Variants in TRPM6 observed in about 807,000 individuals in gnomAD.
The protein encoded by TRPM6 is transient receptor potential cation channel subfamily M member 6.
TRPM6 carries 111 observed loss-of-function variants against 247.6 expected under a neutral mutation model. The ratio of observed to expected loss-of-function variants is 0.45; its 90% CI spans 0.38 to 0.52. TRPM6 has a LOEUF of 0.52. Ranked by LOEUF, TRPM6 falls within the 20% of genes least tolerant of loss-of-function variation. The probability of loss-of-function intolerance (pLI) is 0.00; values close to 1 mark genes in which losing one functional copy is unlikely to be tolerated. For missense variants in TRPM6, 2,126 were observed against 2,421.5 expected (o/e 0.88, Z 2.56); for synonymous variants, 892 against 853.8 (o/e 1.04, Z -0.78).
At position 74,803,795 on chromosome 9, in the gene TRPM6, T is replaced by G; in HGVS notation, c.1730A>C (p.Lys577Thr). 11 of 1,605,448 alleles carry G rather than the reference T, an allele frequency of 6.9e-6. No homozygotes were observed. Among genetic ancestry groups the G allele is most frequent in the Non-Finnish European group, 9.4e-6 (11 of 1,172,096 alleles). Residue 577 changes from lysine (K) to threonine (T), a missense_variant and splice_region_variant, in exon 15 of 39, where the codon AAG becomes ACG. Transcript: ENST00000360774. ...AGTTGAAAAACAAGTAAATGGTACC[T>G]TGAATTTGTATGGCTGTGCAGTTCT... is the stretch of plus-strand genomic sequence containing the variant. ...FIRTAQPYKF[K>T]EKSIVLHKSR...
chr9:74,729,036 A>G (rs1293902110), intron 37 of TRPM6, among the ~76,000 whole-genome samples: 1 of 152,214 alleles, frequency 6.6e-6, no homozygotes, highest in Non-Finnish European at 1.5e-5. Flanking sequence ...ATCATAACAA[A>G]TCCCTAGCAG....
At chr9:74,840,316 G>C in intron 4 of TRPM6, 79 bp from the exon 5 acceptor site, 1 of 1,061,492 alleles carries the variant, frequency 9.4e-7, no homozygotes, top group Non-Finnish European at 1.4e-6. Flanking sequence ...GCACACAGCA[G>C]GGCAACTGAA....
intron 16 of TRPM6, 85 bp downstream of exon 16, chr9:74,801,813 C>T: frequency 2.0e-6 from 3 of 1,537,260 alleles, no homozygotes; most frequent in South Asian, 2.2e-5. Flanking sequence ...ATTTGTCCTA[C>T]AAGTTTAAAG....
At chr9:74,786,992 A>G (rs897224983) in intron 20 of TRPM6, among the ~76,000 whole-genome samples, 2 of 152,182 alleles carry the variant, frequency 1.3e-5, no homozygotes, top group African/African-American at 4.8e-5. Context: ...TGAGGTCAGG[A>G]GTTCGAGACC....
At chr9:74,839,963 G>T in intron 5 of TRPM6, 61 bp downstream of exon 5, 1 of 1,254,880 alleles carries the variant, frequency 8.0e-7, no homozygotes, top group Non-Finnish European at 1.2e-6. Context: ...AAGAGGGAGA[G>T]AGGGAGGGAG....
Position 74,724,558 on chromosome 9 carries a change from TCA to T in TRPM6, c.*53_*54del. Reference sequence around the variant, plus strand: ...ACATCACGTTGATCAATCTATGTTATCACAGAGTTCCTGGCAGGCAGGGCAAG... The same window carrying T: ...ACATCACGTTGATCAATCTATGTTATCAGAGTTCCTGGCAGGCAGGGCAAG... On this transcript the variant is annotated 3_prime_UTR_variant, in exon 39 of 39. Transcript: ENST00000360774. The T allele has an allele frequency of 2.5e-6, 4 of 1,613,134 alleles. No homozygotes were observed. Among genetic ancestry groups the T allele is most frequent in the Non-Finnish European group, 3.4e-6 (4 of 1,179,548 alleles).
At chr9:74,773,931 T>A (rs1429453755) in intron 24 of TRPM6, among the ~76,000 whole-genome samples, 1 of 152,178 alleles carries the variant, frequency 6.6e-6, no homozygotes, top group East Asian at 1.9e-4. Context: ...AATGTCTTCT[T>A]TCACTAAAGA....
At chr9:74,849,061 T>C (rs1830200310) in intron 3 of TRPM6, among the ~76,000 whole-genome samples, 1 of 152,146 alleles carries the variant, frequency 6.6e-6, no homozygotes, top group Admixed American at 6.5e-5. Context: ...AAAGTTTAGT[T>C]AAATTCAGCA....
intron 7 of TRPM6, among the ~76,000 whole-genome samples, chr9:74,823,235 C>T (rs919710462): frequency 6.6e-6 from 1 of 152,166 alleles, no homozygotes. Flanking sequence ...GAGACATCTA[C>T]AGGGTCAAGG....
chr9:74,821,674 A>G lies in TRPM6; in HGVS notation c.1005T>C (p.Asp335=), dbSNP rs926497151. ...AAGAAGAGCCAACAACTCACCCTTC[A>G]TCTGCCAGGTGTTTGTGTGTGAAGG... is the stretch of plus-strand genomic sequence containing the variant. The part of the protein sequence containing the change: ...LLAFTHKHLA[D]EGMLRPQVKE... Residue 335 remains aspartate (D), a synonymous_variant, in exon 8 of 39, where the codon GAT becomes GAC. Coordinates refer to ENST00000360774, the MANE Select transcript of TRPM6 (RefSeq NM_017662.5). 1.9e-6 allele frequency: 3 copies of G among 1,614,080 alleles called. No homozygotes were observed. The highest frequency in any genetic ancestry group is 2.5e-6 in the Non-Finnish European group (3 of 1,180,052).
At position 74,724,758 on chromosome 9, in the gene TRPM6, A is replaced by T; in HGVS notation, c.5936-12T>A. On this transcript the variant is annotated splice_polypyrimidine_tract_variant and intron_variant, in intron 38 of 38. Transcript: ENST00000360774. Reference sequence around the variant, plus strand: ...ATTTCTTTTTAAATCTGCAAGGAGGACAAGTAAAAAGGTTATAGTGGAACC... The same window carrying T: ...ATTTCTTTTTAAATCTGCAAGGAGGTCAAGTAAAAAGGTTATAGTGGAACC... The T allele has an allele frequency of 6.2e-7, 1 of 1,614,078 alleles. No homozygotes were observed. Among genetic ancestry groups the T allele is most frequent in the Non-Finnish European group, 8.5e-7 (1 of 1,179,996 alleles).
chr9:74,764,230 T>G (rs1389291830), intron 25 of TRPM6, among the ~76,000 whole-genome samples: 1 of 152,036 alleles, frequency 6.6e-6, no homozygotes, highest in Admixed American at 6.6e-5. Context: ...TGGTTTTGTA[T>G]CCCCCAAAAA....
chr9:74,858,690 G>C lies in TRPM6; in HGVS notation c.92C>G (p.Pro31Arg). The C allele has an allele frequency of 1.2e-6, 2 of 1,613,132 alleles. No homozygotes were observed. The highest frequency in any genetic ancestry group is 1.7e-6 in the Non-Finnish European group (2 of 1,179,548). Residue 31 changes from proline to arginine, a missense_variant, in exon 2 of 39, where the codon CCC becomes CGC. Transcript: ENST00000360774. ...FDKRECSTII[P>R]SSKNPHRCTP... ...TTACCTGTGAGGATTTTTTGAGCTG[G>C]GTATGATTGTGCTACATTCTCTCTT...
At chr9:74,784,968 G>C (rs1410848338) in intron 21 of TRPM6, among the ~76,000 whole-genome samples, 1 of 152,044 alleles carries the variant, frequency 6.6e-6, no homozygotes, top group Non-Finnish European at 1.5e-5. Context: ...AAAATAATTA[G>C]CTTGGCATGA....
chr9:74,761,837 T>A, intron 26 of TRPM6, 29 bp from the exon 27 acceptor site: 1 of 1,556,660 alleles, frequency 6.4e-7, no homozygotes, highest in Non-Finnish European at 8.9e-7. Context: ...CATGAGAAAG[T>A]TGACAACAGT....
At chr9:74,746,624 T>A (rs982507653) in intron 31 of TRPM6, among the ~76,000 whole-genome samples, 1 of 152,176 alleles carries the variant, frequency 6.6e-6, no homozygotes, top group Non-Finnish European at 1.5e-5. Context: ...CAGGGAGCCA[T>A]TGAAGGCTTC....
intron 6 of TRPM6, among the ~76,000 whole-genome samples, chr9:74,831,563 T>C (rs1254917462): frequency 6.6e-6 from 1 of 152,096 alleles, no homozygotes; most frequent in East Asian, 1.9e-4. Flanking sequence ...ACAAAAAATA[T>C]ACACAATGAG....
chr9:74,732,590 T>C (rs1405639193), intron 37 of TRPM6, 95 bp downstream of exon 37: 2 of 947,802 alleles, frequency 2.1e-6, no homozygotes, highest in African/African-American at 3.3e-5. Context: ...TTCTAGGATC[T>C]AGGCAGGGAA....
chr9:74,785,146 A>G (rs1449974934), intron 21 of TRPM6, among the ~76,000 whole-genome samples: 2 of 152,124 alleles, frequency 1.3e-5, no homozygotes, highest in Admixed American at 1.3e-4. Flanking sequence ...TCGAAAGTTA[A>G]ACTATCGGAT....
Sources: allele counts gnomAD v4.1 joint callset (sites outside exome capture counted in the v4.1 genomes callset), GRCh38; gene constraint gnomAD v4.1.1; transcripts MANE v1.5; gene names NCBI Gene and HGNC (gene_info 2026-07-23, HGNC 2026-07-21).